CDX1: variants seen among roughly 807,000 people sequenced by gnomAD.
CDX1 encodes homeobox protein CDX-1.
Under a neutral mutation model 16.9 loss-of-function variants are expected in CDX1, and 9 were observed. That is an observed-to-expected ratio of 0.53 (90% CI 0.32 to 0.93). The LOEUF (loss-of-function observed/expected upper bound fraction) is 0.93. Among genes scored for constraint, CDX1 ranks in the 40% least tolerant of loss-of-function variants. The pLI, the probability that CDX1 is intolerant of heterozygous loss-of-function variation, is 0.04. For missense variants in CDX1, 393 were observed against 386.1 expected, an observed-to-expected ratio of 1.02 and a Z score of -0.15; for synonymous variants, 179 against 179.0, an observed-to-expected ratio of 1.00 and a Z score of 0.00.
At chr5:150,167,665 C>T (rs1761449999) in intron 1 of CDX1, among the ~76,000 whole-genome samples, 1 of 152,256 alleles carries the variant, frequency 6.6e-6, no homozygotes, top group Non-Finnish European at 1.5e-5. Flanking sequence ...ACTCCGTGCT[C>T]TTCATCTGCT....
rs200303526 is a variant in CDX1, at chr5:150,182,939, A to G, written c.591+26A>G. The G allele has an allele frequency of 8.2e-5, 131 of 1,591,308 alleles. No homozygotes were observed. The African/African-American group carries it at 1.7e-3, about 20-fold the overall frequency. On this transcript the variant is annotated intron_variant, in intron 2 of 2. Transcript: ENST00000231656. ...GTGTGTCTGTCTTCCTATCTCAGCCATAGGAGCAGTGCGAGGACTCTGGTC... is the reference window on the plus strand; with the variant it reads ...GTGTGTCTGTCTTCCTATCTCAGCCGTAGGAGCAGTGCGAGGACTCTGGTC...
chr5:150,171,227 G>A (rs1562052954), intron 1 of CDX1, among the ~76,000 whole-genome samples: 1 of 152,208 alleles, frequency 6.6e-6, no homozygotes, highest in Non-Finnish European at 1.5e-5. Context: ...TACTGCTCCA[G>A]CTATCTTCTA....
chr5:150,183,368 A>G, intron 2 of CDX1, 106 bp from the exon 3 acceptor site: 1 of 1,036,864 alleles, frequency 9.6e-7, no homozygotes, highest in Non-Finnish European at 1.4e-6. Context: ...TAAGCCACAA[A>G]GCCACATGGA....
At position 150,167,256 on chromosome 5, in the gene CDX1, C is replaced by A. The variant is rs370852694; in HGVS notation, c.380C>A (p.Ala127Glu). The A allele has an allele frequency of 7.5e-4, 951 of 1,267,192 alleles. 13 individuals are homozygous for A. The East Asian group carries it at 0.027, about 36-fold the overall frequency. The allele number at this position is 1,267,192 out of a possible 1,614,324, so 78.5% of individuals were successfully genotyped here. The change falls in exon 1 of 3, where the codon GCG becomes GAG. Residue 127 changes from alanine (A) to glutamate (E), a missense_variant. By Grantham distance (107) the Ala-to-Glu change is moderately radical. Transcript: ENST00000231656. ...CCGGGCACACCGTCCTCGCCCGGAG[C>A]GCAGAGGCCGACGCCCTACGAGTGG... is the stretch of plus-strand genomic sequence containing the variant. ...GGPGTPSSPG[A>E]QRPTPYEWMR...
rs1752481939 is a variant in CDX1, at chr5:150,182,853, T to C, written c.531T>C (p.Arg177=). The change falls in exon 2 of 3, where the codon CGT becomes CGC. Residue 177 remains arginine (R), a synonymous_variant. Coordinates refer to ENST00000231656, the MANE Select transcript of CDX1 (RefSeq NM_001804.3). The part of the protein sequence containing the change: ...LELEKEFHYS[R]YITIRRKSEL... ...TGGAGAAGGAGTTTCATTACAGCCG[T>C]TACATCACAATCCGGCGGAAATCAG... 1 of 1,613,470 alleles carries C rather than the reference T, an allele frequency of 6.2e-7. No homozygotes were observed. The highest frequency in any genetic ancestry group is 8.5e-7 in the Non-Finnish European group (1 of 1,179,738).
Position 150,167,219 on chromosome 5 carries a change from C to A in CDX1, c.343C>A (p.Pro115Thr), listed in dbSNP as rs1224563893. Residue 115 changes from proline (P) to threonine (T), a missense_variant, in exon 1 of 3, where the codon CCC (proline) becomes ACC (threonine). By Grantham distance (38) the Pro-to-Thr change is conservative (BLOSUM62 -1). Coordinates refer to ENST00000231656, the MANE Select transcript of CDX1 (RefSeq NM_001804.3). The part of the protein sequence containing the change: ...PGPGPGLLAQ[P>T]LGGPGTPSSP... ...GCCCGGCCCGGGCCTCCTGGCGCAGCCCCTCGGGGGCCCGGGCACACCGTC... is the reference window on the plus strand; with the variant it reads ...GCCCGGCCCGGGCCTCCTGGCGCAGACCCTCGGGGGCCCGGGCACACCGTC... The A allele has an allele frequency of 7.9e-7, 1 of 1,261,530 alleles. No individual in the cohort carries two copies. The highest frequency in any genetic ancestry group is 9.9e-7 in the Non-Finnish European group (1 of 1,008,126). 78.1% of individuals were successfully genotyped at this position (1,261,530 alleles called of 1,614,324 possible).
intron 1 of CDX1, among the ~76,000 whole-genome samples, chr5:150,179,510 C>T (rs1027965141): frequency 1.3e-5 from 2 of 152,234 alleles, no homozygotes; most frequent in Non-Finnish European, 2.9e-5. Flanking sequence ...CAGGACAGCC[C>T]TCTGCAAGTG....
chr5:150,179,676 G>T (rs1228075613), intron 1 of CDX1, among the ~76,000 whole-genome samples: 1 of 152,194 alleles, frequency 6.6e-6, no homozygotes, highest in African/African-American at 2.4e-5. Flanking sequence ...GGTGGGCAGG[G>T]AGCCTCATGC....
chr5:150,176,876 G>A (rs990947407), intron 1 of CDX1, among the ~76,000 whole-genome samples: 4 of 152,206 alleles, frequency 2.6e-5, no homozygotes, highest in Non-Finnish European at 4.4e-5. Flanking sequence ...GTGTACAGAC[G>A]TGCATGCCTG....
At chr5:150,173,267 T>C (rs938492096) in intron 1 of CDX1, among the ~76,000 whole-genome samples, 1 of 152,258 alleles carries the variant, frequency 6.6e-6, no homozygotes, top group African/African-American at 2.4e-5. Context: ...TCTTCTGTCC[T>C]GAACTTGCTC....
At chr5:150,176,994 T>TG (rs1554113528) in intron 1 of CDX1, among the ~76,000 whole-genome samples, 3 of 152,158 alleles carry the variant, frequency 2.0e-5, no homozygotes, top group Admixed American at 6.5e-5. Flanking sequence ...GGTCCAGGCC[T>TG]TGGGGGGCCA....
intron 1 of CDX1, among the ~76,000 whole-genome samples, chr5:150,171,093 C>T (rs558979384): frequency 3.9e-5 from 6 of 152,204 alleles, no homozygotes; most frequent in African/African-American, 1.4e-4. Flanking sequence ...ACCCTGTCAA[C>T]TTTCAGATGG....
At chr5:150,177,752 G>A (rs1761587485) in intron 1 of CDX1, among the ~76,000 whole-genome samples, 1 of 152,196 alleles carries the variant, frequency 6.6e-6, no homozygotes, top group African/African-American at 2.4e-5. Flanking sequence ...GGCTCAGAGA[G>A]GTGGGGAGAC....
At chr5:150,170,432 G>A (rs978998861) in intron 1 of CDX1, among the ~76,000 whole-genome samples, 7 of 152,242 alleles carry the variant, frequency 4.6e-5, no homozygotes, top group African/African-American at 1.7e-4. Flanking sequence ...ACCCAGCTCA[G>A]TGCATGGCAT....
intron 1 of CDX1, among the ~76,000 whole-genome samples, chr5:150,175,574 CT>C (rs1248505423): frequency 1.3e-5 from 2 of 152,216 alleles, no homozygotes; most frequent in African/African-American, 4.8e-5. Context: ...CTGCTCAGGG[CT>C]TGAGTGAGGA....
intron 1 of CDX1, among the ~76,000 whole-genome samples, chr5:150,178,625 G>A (rs1310535619): frequency 6.6e-6 from 1 of 152,274 alleles, no homozygotes; most frequent in South Asian, 2.1e-4. Flanking sequence ...GGCTCCTGGG[G>A]CTGTCATTAA....
intron 1 of CDX1, among the ~76,000 whole-genome samples, chr5:150,172,872 A>C (rs778298464): frequency 5.3e-5 from 8 of 152,178 alleles, no homozygotes; most frequent in Non-Finnish European, 1.2e-4. Flanking sequence ...TGAAGGTCCA[A>C]AATGGTTTGT....
rs751586079 is a variant in CDX1 at position 150,184,325 on chromosome 5, G to C, written c.*645G>C. 1 of 152,192 alleles carries C rather than the reference G, an allele frequency of 6.6e-6. No individual in the cohort carries two copies. Among genetic ancestry groups the C allele is most frequent in the Middle Eastern group, 3.2e-3 (1 of 316 alleles). The allele number at this position is 152,192 out of a possible 1,614,324, so 9.4% of individuals were successfully genotyped here. ...AGGGAGGCCCTGGGAGGAGAGAAGG[G>C]GGCAGAGTCTTCCCTACCAGGTTTC... is the stretch of plus-strand genomic sequence containing the variant. On this transcript the variant is annotated 3_prime_UTR_variant, in exon 3 of 3. Coordinates refer to ENST00000231656, the MANE Select transcript of CDX1 (RefSeq NM_001804.3).
intron 1 of CDX1, among the ~76,000 whole-genome samples, chr5:150,173,902 G>T (rs1761537091): frequency 6.6e-6 from 1 of 152,194 alleles, no homozygotes; most frequent in African/African-American, 2.4e-5. Context: ...TGCCACCTTG[G>T]CTTTTGATCT....
Sources: allele counts gnomAD v4.1 joint callset (sites outside exome capture counted in the v4.1 genomes callset), GRCh38; gene constraint gnomAD v4.1.1; transcripts MANE v1.5; gene names NCBI Gene and HGNC (gene_info 2026-07-23, HGNC 2026-07-21).